TTC28: variants seen among roughly 807,000 people sequenced by gnomAD.
TTC28 encodes the protein tetratricopeptide repeat protein 28.
In TTC28, 61 loss-of-function variants were observed where a neutral mutation model predicts 198.0. The observed-to-expected ratio is 0.31, with a 90% CI of 0.25 to 0.38. The LOEUF is 0.38. Among genes scored for constraint, TTC28 ranks in the 10% least tolerant of loss-of-function variants. The pLI, the probability that TTC28 is intolerant of heterozygous loss-of-function variation, is 1.00. For missense variants in TTC28, 2,678 were observed against 3,164.0 expected (o/e 0.85, Z 3.69); for synonymous variants, 1,171 against 1,297.8 (o/e 0.90, Z 2.10).
chr22:28,281,349 A>C (rs575925946), intron 5 of TTC28, among the ~76,000 whole-genome samples: 13 of 152,098 alleles, frequency 8.5e-5, no homozygotes. Context: ...CTTCAAGTTC[A>C]TGTCTCTTTC....
chr22:28,540,572 A>G (rs1409529987), intron 2 of TTC28, among the ~76,000 whole-genome samples: 2 of 152,218 alleles, frequency 1.3e-5, no homozygotes, highest in South Asian at 2.1e-4. Context: ...CCTTTGTACT[A>G]TAAAATCTAA....
rs541852149 is a variant in TTC28, at chr22:28,213,810, C to T, written c.934-50211G>A. Among the ~76,000 whole-genome samples, 25 of 152,164 alleles carry T rather than the reference C, an allele frequency of 1.6e-4. No individual in the cohort carries two copies. In the South Asian group the frequency reaches 3.7e-3, roughly 23 times the overall value. ...AGTTCATATGGAACCAAAAAAGAGC[C>T]CGCATTGCCAAGTCAATCCTAAGCC... is the stretch of plus-strand genomic sequence containing the variant. On this transcript the variant is annotated intron_variant, in intron 5 of 22. Coordinates refer to ENST00000397906, the MANE Select transcript of TTC28 (RefSeq NM_001145418.2).
At chr22:28,342,328 A>G (rs1191194553) in intron 2 of TTC28, among the ~76,000 whole-genome samples, 1 of 152,188 alleles carries the variant, frequency 6.6e-6, no homozygotes, top group Non-Finnish European at 1.5e-5. Context: ...ACTGAAAGAG[A>G]GTAAGCTGGA....
intron 2 of TTC28, among the ~76,000 whole-genome samples, chr22:28,503,951 A>C (rs1410476500): frequency 6.6e-6 from 1 of 152,204 alleles, no homozygotes; most frequent in Non-Finnish European, 1.5e-5. Flanking sequence ...ACACCAGCTA[A>C]AGAATGGATC....
intron 2 of TTC28, among the ~76,000 whole-genome samples, chr22:28,367,456 A>C (rs2046265969): frequency 6.6e-6 from 1 of 151,998 alleles, no homozygotes; most frequent in South Asian, 2.1e-4. Flanking sequence ...AGGGAAATTT[A>C]TGACTATAAG....
intron 5 of TTC28, among the ~76,000 whole-genome samples, chr22:28,286,730 A>G (rs2044693317): frequency 6.6e-6 from 1 of 152,180 alleles, no homozygotes; most frequent in African/African-American, 2.4e-5. Context: ...GGGTTGCTGA[A>G]TATCTAGATC....
chr22:28,108,096 G>T lies in TTC28; in HGVS notation c.1749C>A (p.Ile583=), dbSNP rs1274678856. The T allele has an allele frequency of 6.4e-7, 1 of 1,551,530 alleles. No homozygotes were observed. The highest frequency in any genetic ancestry group is 2.0e-5 in the Admixed American group (1 of 50,984). Reference sequence around the variant, plus strand: ...TCTGGATGTCTCGTAGCTCCCGGGCGATGTTCAAGTGGTTCTGATAGTGTT... The same window carrying T: ...TCTGGATGTCTCGTAGCTCCCGGGCTATGTTCAAGTGGTTCTGATAGTGTT... The part of the protein sequence containing the change: ...ALQHYQNHLN[I]ARELRDIQSE... Residue 583 remains isoleucine (I), a synonymous_variant, in exon 7 of 23, where the codon ATC becomes ATA. Coordinates refer to ENST00000397906, the MANE Select transcript of TTC28 (RefSeq NM_001145418.2).
intron 5 of TTC28, among the ~76,000 whole-genome samples, chr22:28,222,476 C>T (rs1156914861): frequency 1.3e-5 from 2 of 152,192 alleles, no homozygotes; most frequent in African/African-American, 2.4e-5. Flanking sequence ...AAAGTATTTC[C>T]TCTTTAAAAT....
chr22:28,108,007 G>A lies in TTC28; in HGVS notation c.1838C>T (p.Ala613Val). The change falls in exon 7 of 23, where the codon GCT becomes GTT. Residue 613 changes from alanine to valine, a missense_variant. Ala to Val is a moderately conservative substitution (Grantham distance 64). Coordinates refer to ENST00000397906, the MANE Select transcript of TTC28 (RefSeq NM_001145418.2). ...GAGGTACTGTTCATAATAGGGGGCA[G>A]CCTGGACATACTCTCCCCGAGAGCA... Reference protein sequence around the residue: ...FHCSRGEYVQAAPYYEQYLRL... With the variant: ...FHCSRGEYVQVAPYYEQYLRL... 1.3e-6 allele frequency: 2 copies of A among 1,551,608 alleles called. No individual in the cohort carries two copies. The highest frequency in any genetic ancestry group is 1.7e-6 in the Non-Finnish European group (2 of 1,146,982).
intron 5 of TTC28, among the ~76,000 whole-genome samples, chr22:28,215,793 A>T (rs1927345989): frequency 6.6e-6 from 1 of 152,194 alleles, no homozygotes; most frequent in Non-Finnish European, 1.5e-5. Flanking sequence ...AAATGAAATA[A>T]GCATGGGAAA....
chr22:28,197,791 G>A (rs1194595932), intron 5 of TTC28, among the ~76,000 whole-genome samples: 1 of 151,966 alleles, frequency 6.6e-6, no homozygotes, highest in African/African-American at 2.4e-5. Flanking sequence ...GAGGTAGGAG[G>A]ATCTTTCGAG....
chr22:28,116,261 AAAGACT>A (rs1325407283), intron 6 of TTC28, among the ~76,000 whole-genome samples: 1 of 152,208 alleles, frequency 6.6e-6, no homozygotes, highest in East Asian at 1.9e-4. Flanking sequence ...TTGGATACTT[AAAGACT>A]AAGACTGCAG....
intron 5 of TTC28, among the ~76,000 whole-genome samples, chr22:28,218,357 T>C (rs1478921069): frequency 4.6e-5 from 7 of 152,088 alleles, no homozygotes; most frequent in African/African-American, 1.4e-4. Flanking sequence ...AAATAAGTGT[T>C]GGGAAGTTGT....
chr22:28,221,516 A>T (rs1420060684), intron 5 of TTC28, among the ~76,000 whole-genome samples: 1 of 152,184 alleles, frequency 6.6e-6, no homozygotes, highest in Non-Finnish European at 1.5e-5. Context: ...CTCATTGCTT[A>T]GGACACTGGG....
intron 2 of TTC28, among the ~76,000 whole-genome samples, chr22:28,390,357 G>A (rs1207461641): frequency 1.3e-5 from 2 of 152,232 alleles, no homozygotes; most frequent in East Asian, 3.9e-4. Flanking sequence ...TGTCTATTAG[G>A]TCCACTTGGT....
At chr22:28,148,575 T>A (rs1249133354) in intron 6 of TTC28, among the ~76,000 whole-genome samples, 1 of 147,852 alleles carries the variant, frequency 6.8e-6, no homozygotes, top group Non-Finnish European at 1.5e-5. Flanking sequence ...ATTGCGTCAC[T>A]GCACTTCAGC....
chr22:28,550,416 A>G (rs1024067267), intron 2 of TTC28, among the ~76,000 whole-genome samples: 6 of 152,124 alleles, frequency 3.9e-5, no homozygotes, highest in Non-Finnish European at 7.4e-5. Flanking sequence ...TATTTCATCA[A>G]TCACAAGAAT....
At chr22:28,646,805 A>C (rs2051475175) in intron 1 of TTC28, among the ~76,000 whole-genome samples, 1 of 152,330 alleles carries the variant, frequency 6.6e-6, no homozygotes, top group African/African-American at 2.4e-5. Context: ...TGGAGGCTGC[A>C]GTAAGCCAAG....
chr22:28,018,608 C>G (rs1938475260), intron 13 of TTC28, among the ~76,000 whole-genome samples: 1 of 152,188 alleles, frequency 6.6e-6, no homozygotes. Flanking sequence ...TTTCTCCATG[C>G]TAGTGGCCCT....
Sources: gnomAD v4.1 joint callset for allele counts (sites outside exome capture counted in the v4.1 genomes callset) on GRCh38, gnomAD v4.1.1 for gene constraint, MANE v1.5 for transcripts, NCBI Gene and HGNC (gene_info 2026-07-23, HGNC 2026-07-21) for gene names.